The following FCHSD2 variants were observed in gnomAD, a reference collection of about 807,000 sequenced individuals.
The protein encoded by FCHSD2 is F-BAR and double SH3 domains protein 2.
FCHSD2 carries 38 observed loss-of-function variants against 108.1 expected under a neutral mutation model. That is an observed-to-expected ratio of 0.35 (90% confidence interval 0.27 to 0.46). The LOEUF is 0.46. FCHSD2 is among the 20% of genes least tolerant of loss of function. FCHSD2 has a pLI of 1.00. For missense variants in FCHSD2, 751 were observed against 897.8 expected, an observed-to-expected ratio of 0.84 and a Z score of 2.09; for synonymous variants, 279 against 314.7, an observed-to-expected ratio of 0.89 and a Z score of 1.20.
chr11:72,914,996 T>A (rs1855843221), intron 9 of FCHSD2, among the ~76,000 whole-genome samples: 2 of 111,748 alleles, frequency 1.8e-5, no homozygotes, highest in South Asian at 2.9e-4. Context: ...AAACTAAGCA[T>A]CTGACAAAGG....
intron 4 of FCHSD2, among the ~76,000 whole-genome samples, chr11:73,003,260 G>C (rs901307163): frequency 6.6e-6 from 1 of 152,078 alleles, no homozygotes; most frequent in Non-Finnish European, 1.5e-5. Flanking sequence ...CTGGCAAATG[G>C]AGAAATAACA....
intron 8 of FCHSD2, among the ~76,000 whole-genome samples, chr11:72,923,556 T>C (rs1241368131): frequency 1.3e-5 from 2 of 152,222 alleles, no homozygotes; most frequent in African/African-American, 4.8e-5. Context: ...ATTTCTCTAA[T>C]GACTATGTTG....
chr11:72,882,302 C>T (rs1456819175), intron 12 of FCHSD2, among the ~76,000 whole-genome samples: 1 of 148,906 alleles, frequency 6.7e-6, no homozygotes, highest in Non-Finnish European at 1.5e-5. Context: ...ATTAGCCGGG[C>T]GTGGTGGCGT....
intron 8 of FCHSD2, among the ~76,000 whole-genome samples, chr11:72,936,998 C>T (rs1005877765): frequency 9.9e-5 from 15 of 152,106 alleles, no homozygotes; most frequent in Non-Finnish European, 1.9e-4. Flanking sequence ...TCTTTATATG[C>T]TTCATAATCT....
intron 13 of FCHSD2, among the ~76,000 whole-genome samples, chr11:72,860,055 A>C (rs893138830): frequency 6.6e-6 from 1 of 152,162 alleles, no homozygotes; most frequent in Non-Finnish European, 1.5e-5. Flanking sequence ...AGATTCTCAT[A>C]AGGAGGGTCC....
chr11:73,105,101 T>C (rs1232507138), intron 2 of FCHSD2, among the ~76,000 whole-genome samples: 3 of 152,148 alleles, frequency 2.0e-5, no homozygotes, highest in African/African-American at 7.2e-5. Context: ...GTAACCAGAA[T>C]AGGTTATTCC....
intron 8 of FCHSD2, among the ~76,000 whole-genome samples, chr11:72,933,310 A>T (rs987086969): frequency 6.6e-6 from 1 of 152,188 alleles, no homozygotes; most frequent in Non-Finnish European, 1.5e-5. Flanking sequence ...TACCAAGCAG[A>T]TAGTGCCTAT....
At chr11:72,947,407 C>T (rs1565336635) in intron 8 of FCHSD2, among the ~76,000 whole-genome samples, 1 of 152,166 alleles carries the variant, frequency 6.6e-6, no homozygotes, top group Non-Finnish European at 1.5e-5. Context: ...TGTAGTGTCC[C>T]CTCTGACTTG....
At chr11:72,922,002 T>C in intron 8 of FCHSD2, 52 bp from the exon 9 acceptor site, 1 of 1,344,594 alleles carries the variant, frequency 7.4e-7, no homozygotes, top group Non-Finnish European at 1.0e-6. Context: ...AGCCTTGACA[T>C]ATGATATCTT....
chr11:73,095,810 C>T (rs1860059973), intron 2 of FCHSD2, among the ~76,000 whole-genome samples: 1 of 151,920 alleles, frequency 6.6e-6, no homozygotes, highest in Admixed American at 6.6e-5. Flanking sequence ...AAACAAGCCA[C>T]GCTGGCAGAA....
chr11:73,075,848 G>A (rs2135505364), intron 3 of FCHSD2, among the ~76,000 whole-genome samples: 2 of 151,962 alleles, frequency 1.3e-5, no homozygotes, highest in South Asian at 4.2e-4. Context: ...GCCAGGCATG[G>A]TGGCTCACGC....
intron 8 of FCHSD2, among the ~76,000 whole-genome samples, chr11:72,959,072 C>T (rs1331937662): frequency 6.6e-6 from 1 of 151,658 alleles, no homozygotes; most frequent in African/African-American, 2.4e-5. Context: ...ATATCAGAAT[C>T]TTGGGAGGAC....
At chr11:73,137,752 C>T (rs565999722) in intron 2 of FCHSD2, among the ~76,000 whole-genome samples, 13 of 152,222 alleles carry the variant, frequency 8.5e-5, no homozygotes, top group African/African-American at 3.1e-4. Context: ...TACACAGGGG[C>T]ATGAATGTAG....
chr11:73,001,761 T>C (rs1373552780), intron 4 of FCHSD2, among the ~76,000 whole-genome samples: 1 of 152,236 alleles, frequency 6.6e-6, no homozygotes, highest in African/African-American at 2.4e-5. Context: ...TACATCTGTC[T>C]CCCTGTTACA....
rs569116388 is a variant in FCHSD2 at position 72,945,487 on chromosome 11, G to A, written c.706-23537C>T. Among the ~76,000 whole-genome samples the A allele has an allele frequency of 3.9e-5, 6 of 152,268 alleles. No individual in the cohort carries two copies. In the South Asian group the frequency reaches 6.2e-4, roughly 16 times the overall value. ...GCAATACCATTCAGGACATAGGCAT[G>A]GGCAAGGACTTCATGTCTAAAACAC... is the stretch of plus-strand genomic sequence containing the variant. On this transcript the variant is annotated intron_variant, in intron 8 of 19. Transcript: ENST00000409418.
At chr11:72,927,721 T>C (rs1382822683) in intron 8 of FCHSD2, among the ~76,000 whole-genome samples, 10 of 152,198 alleles carry the variant, frequency 6.6e-5, no homozygotes, top group Admixed American at 1.3e-4. Flanking sequence ...TTTAGCTGAC[T>C]AGGTTGAGCA....
chr11:72,976,145 G>T (rs1857100770), intron 8 of FCHSD2, among the ~76,000 whole-genome samples: 1 of 152,110 alleles, frequency 6.6e-6, no homozygotes, highest in Non-Finnish European at 1.5e-5. Context: ...TTAGTTTAGA[G>T]TTTAAAGAAA....
At chr11:72,940,188 C>T (rs1856386827) in intron 8 of FCHSD2, among the ~76,000 whole-genome samples, 1 of 152,184 alleles carries the variant, frequency 6.6e-6, no homozygotes, top group African/African-American at 2.4e-5. Flanking sequence ...GCCTTTTAAA[C>T]TCATCACTAC....
At chr11:72,842,320 T>C (rs1176869568) in intron 17 of FCHSD2, among the ~76,000 whole-genome samples, 3 of 152,234 alleles carry the variant, frequency 2.0e-5, no homozygotes, top group Admixed American at 2.0e-4. Flanking sequence ...CCTCTTCGGT[T>C]TGTTTCTTTC....
Sources: allele counts gnomAD v4.1 joint callset (sites outside exome capture counted in the v4.1 genomes callset), GRCh38; gene constraint gnomAD v4.1.1; transcripts MANE v1.5; gene names NCBI Gene and HGNC (gene_info 2026-07-23, HGNC 2026-07-21).